Variants in UBE2H observed in about 807,000 individuals in gnomAD.
The protein encoded by UBE2H is ubiquitin conjugating enzyme E2 H, also known as ubiquitin-conjugating enzyme E2 H.
A neutral mutation model predicts 29.0 loss-of-function variants in UBE2H; 3 were observed. That is an observed-to-expected ratio of 0.10 (90% CI 0.05 to 0.27). UBE2H has a LOEUF of 0.27. Among genes scored for constraint, UBE2H ranks in the 10% least tolerant of loss-of-function variants. The probability of loss-of-function intolerance (pLI) is 1.00; values close to 1 mark genes in which losing one functional copy is unlikely to be tolerated. For synonymous variants in UBE2H, 69 were observed against 82.9 expected (o/e 0.83, Z 0.91); for missense variants, 68 against 228.2 (o/e 0.30, Z 4.52).
chr7:129,891,488 C>A (rs938144572), intron 1 of UBE2H, among the ~76,000 whole-genome samples: 1 of 152,104 alleles, frequency 6.6e-6, no homozygotes, highest in East Asian at 1.9e-4. Context: ...GCTGACACAA[C>A]AGGAACTTAA....
rs1425634519 is a variant in UBE2H, at chr7:129,893,511, T to TC, written c.54-12541dup. Among the ~76,000 whole-genome samples, 5 of 152,204 alleles carry TC rather than the reference T, an allele frequency of 3.3e-5. No homozygotes were observed. In the East Asian group the frequency reaches 9.7e-4, roughly 29 times the overall value. On this transcript the variant is annotated intron_variant, in intron 1 of 6. Transcript: ENST00000355621. ...GTCAGATAGTCAAAGTCAGAAATGA[T>TC]CCAACTGCAGAAACAGTTTCAGAGA...
intron 3 of UBE2H, among the ~76,000 whole-genome samples, chr7:129,878,634 G>C (rs926682891): frequency 7.7e-6 from 1 of 129,390 alleles, no homozygotes; most frequent in African/African-American, 2.9e-5. Flanking sequence ...AGTGAGTCGA[G>C]ATCGTGCCAC....
At chr7:129,885,020 T>C (rs1255058638) in intron 1 of UBE2H, among the ~76,000 whole-genome samples, 1 of 151,780 alleles carries the variant, frequency 6.6e-6, no homozygotes, top group African/African-American at 2.4e-5. Context: ...TGAGCTATGA[T>C]TGTGCCACTC....
intron 1 of UBE2H, among the ~76,000 whole-genome samples, chr7:129,897,760 T>C (rs937934560): frequency 1.3e-5 from 2 of 152,164 alleles, no homozygotes; most frequent in African/African-American, 2.4e-5. Flanking sequence ...CCATTATCTG[T>C]TGGAAGTTTG....
chr7:129,847,675 G>A (rs1205134786), intron 5 of UBE2H, among the ~76,000 whole-genome samples: 1 of 152,196 alleles, frequency 6.6e-6, no homozygotes, highest in Non-Finnish European at 1.5e-5. Context: ...AAGAAAGAAA[G>A]AAAAATAAGA....
intron 1 of UBE2H, among the ~76,000 whole-genome samples, chr7:129,908,191 C>T (rs1170558639): frequency 1.3e-5 from 2 of 152,174 alleles, no homozygotes; most frequent in African/African-American, 4.8e-5. Context: ...CTTAATCTTA[C>T]CAGCAGTAGA....
intron 3 of UBE2H, among the ~76,000 whole-genome samples, chr7:129,862,519 G>C (rs1805821093): frequency 6.6e-6 from 1 of 152,130 alleles, no homozygotes; most frequent in African/African-American, 2.4e-5. Context: ...GAAATGGAAA[G>C]GTTGGGGCGG....
At chr7:129,836,560 G>A (rs1168284530) in intron 6 of UBE2H, among the ~76,000 whole-genome samples, 2 of 152,190 alleles carry the variant, frequency 1.3e-5, no homozygotes, top group Non-Finnish European at 2.9e-5. Flanking sequence ...GAAAGTAAGT[G>A]GCTGGGATGT....
At chr7:129,849,032 A>AT (rs1294479155) in intron 5 of UBE2H, among the ~76,000 whole-genome samples, 2 of 152,148 alleles carry the variant, frequency 1.3e-5, no homozygotes, top group Admixed American at 6.5e-5. Flanking sequence ...TGAATTTTTA[A>AT]TTTTATCCTG....
chr7:129,845,805 G>T (rs146499165), intron 5 of UBE2H, among the ~76,000 whole-genome samples: 1 of 152,206 alleles, frequency 6.6e-6, no homozygotes, highest in African/African-American at 2.4e-5. Flanking sequence ...CCTTGGGCAG[G>T]TCTCTTCCTT....
At chr7:129,860,128 C>T (rs951323109) in intron 3 of UBE2H, among the ~76,000 whole-genome samples, 38 of 152,210 alleles carry the variant, frequency 2.5e-4, no homozygotes, top group East Asian at 1.9e-4. Context: ...TCAAGTGAGG[C>T]GCTACAGAGA....
chr7:129,854,244 A>G (rs1563023088), intron 5 of UBE2H, among the ~76,000 whole-genome samples: 2 of 152,140 alleles, frequency 1.3e-5, no homozygotes, highest in South Asian at 2.1e-4. Context: ...TCAAGTTCAG[A>G]TAAGTCTGAA....
intron 1 of UBE2H, among the ~76,000 whole-genome samples, chr7:129,938,656 A>C (rs1471475942): frequency 6.7e-6 from 1 of 149,984 alleles, no homozygotes; most frequent in Non-Finnish European, 1.5e-5. Flanking sequence ...TGGTGAGTCG[A>C]GATTACGCCA....
intron 5 of UBE2H, among the ~76,000 whole-genome samples, chr7:129,855,671 C>T (rs1290605959): frequency 1.3e-5 from 2 of 152,192 alleles, no homozygotes; most frequent in Non-Finnish European, 2.9e-5. Context: ...AGTCCTCACT[C>T]ATGGTGCTTA....
At chr7:129,864,249 G>A (rs984110119) in intron 3 of UBE2H, among the ~76,000 whole-genome samples, 3 of 152,196 alleles carry the variant, frequency 2.0e-5, no homozygotes, top group African/African-American at 4.8e-5. Context: ...TGGACAAGGA[G>A]GGGGGAGACA....
intron 5 of UBE2H, among the ~76,000 whole-genome samples, chr7:129,854,065 T>TTTTTTTTTTTTTATTTTTTTA (rs1235829126): frequency 6.0e-5 from 9 of 148,768 alleles, no homozygotes; most frequent in Admixed American, 1.3e-4. Context: ...TGTTAGTTTT[T>TTTTTTTTTTTTTATTTTTTTA]TTTTTTTTTT....
chr7:129,943,412 A>C (rs545954789), intron 1 of UBE2H, among the ~76,000 whole-genome samples: 1 of 152,350 alleles, frequency 6.6e-6, no homozygotes, highest in Non-Finnish European at 1.5e-5. Flanking sequence ...ATAAAAATTT[A>C]ATTTACTAAT....
intron 3 of UBE2H, among the ~76,000 whole-genome samples, chr7:129,860,163 T>G (rs1805773984): frequency 6.6e-6 from 1 of 152,110 alleles, no homozygotes; most frequent in East Asian, 1.9e-4. Context: ...CTGAGAAACT[T>G]CCCCTGAAGT....
At chr7:129,867,699 T>TAAAAAAAAAAAAGAAAAACA (rs1805933766) in intron 3 of UBE2H, among the ~76,000 whole-genome samples, 1 of 29,644 alleles carries the variant, frequency 3.4e-5, no homozygotes. Context: ...TAGAGTATAA[T>TAAAAAAAAAAAAGAAAAACA]AAAAAAAAAA....
Sources: gnomAD v4.1 joint callset for allele counts (sites outside exome capture counted in the v4.1 genomes callset) on GRCh38, gnomAD v4.1.1 for gene constraint, MANE v1.5 for transcripts, NCBI Gene and HGNC (gene_info 2026-07-23, HGNC 2026-07-21) for gene names.